CRYBG1: variants seen among roughly 807,000 people sequenced by gnomAD.
CRYBG1 encodes crystallin beta-gamma domain containing 1.
In CRYBG1, 139 loss-of-function variants were observed where a neutral mutation model predicts 189.2. That is an observed-to-expected ratio of 0.73 (90% confidence interval 0.64 to 0.85). The LOEUF (loss-of-function observed/expected upper bound fraction) is 0.85, where lower values mean the gene tolerates loss of function less well. CRYBG1 is among the 40% of genes least tolerant of loss of function. The probability of loss-of-function intolerance (pLI) is 0.00; values close to 1 mark genes in which losing one functional copy is unlikely to be tolerated. For missense variants in CRYBG1, 2,611 were observed against 2,675.8 expected, an observed-to-expected ratio of 0.98 and a Z score of 0.53; for synonymous variants, 1,023 against 1,017.1, an observed-to-expected ratio of 1.01 and a Z score of -0.11.
rs1464897224 is a variant in CRYBG1, at chr6:106,512,063, G to T, written c.946G>T (p.Ala316Ser). ...AGGACTAGGCGAGGCCCCTAACGGA[G>T]CCCCCAGTGTGTGTGCCGAAGAAGG... is the stretch of plus-strand genomic sequence containing the variant. The part of the protein sequence containing the change: ...AGGLGEAPNG[A>S]PSVCAEEGSL... Residue 316 changes from alanine (A) to serine (S), a missense_variant, in exon 3 of 22, where the codon GCC becomes TCC. Physicochemically the swap from Ala to Ser is moderately conservative, Grantham distance 99. Transcript: ENST00000633556. 10 of 1,533,718 alleles carry T rather than the reference G, an allele frequency of 6.5e-6. No individual in the cohort carries two copies. The highest frequency in any genetic ancestry group is 2.4e-5 in the South Asian group (2 of 83,868).
chr6:106,520,587 A>G lies in CRYBG1; in HGVS notation c.3379A>G (p.Lys1127Glu). 2 of 1,614,072 alleles carry G rather than the reference A, an allele frequency of 1.2e-6. No homozygotes were observed. The highest frequency in any genetic ancestry group is 2.2e-5 in the East Asian group (1 of 44,884). ...AGTTTGTATGCCCATGAAAAGAAAGAAGGCCAGGATGCCAAACTCTCCTGC... is the reference window on the plus strand; with the variant it reads ...AGTTTGTATGCCCATGAAAAGAAAGGAGGCCAGGATGCCAAACTCTCCTGC... ...SAVCMPMKRK[K>E]ARMPNSPAPH... The change falls in exon 4 of 22, where the codon AAG becomes GAG. Residue 1127 changes from lysine (K) to glutamate (E), a missense_variant. By Grantham distance (56) the Lys-to-Glu change is moderately conservative (BLOSUM62 1). Transcript: ENST00000633556.
rs368586759 is a variant in CRYBG1, at chr6:106,569,955, C to G, written c.*1389C>G. ...GGTCAAGTCTTGATTTGACCGGAGT[C>G]AAATCAATCTTCAAGCAATCTTGGA... On this transcript the variant is annotated 3_prime_UTR_variant, in exon 22 of 22. Coordinates refer to ENST00000633556, the MANE Select transcript of CRYBG1 (RefSeq NM_001371242.2). 6.6e-6 allele frequency: 1 copy of G among 152,190 alleles called. No individual in the cohort carries two copies. Among genetic ancestry groups the G allele is most frequent in the South Asian group, 2.1e-4 (1 of 4,830 alleles). 9.4% of individuals were successfully genotyped at this position (152,190 alleles called of 1,614,324 possible). A position where few individuals can be genotyped will look rare whatever the true frequency, so the allele number is the denominator to read the frequency against.
rs1562098837 is a variant in CRYBG1 at position 106,517,293 on chromosome 6, C to T, written c.1923-1838C>T. On this transcript the variant is annotated intron_variant, in intron 3 of 21. Transcript: ENST00000633556. ...CCCAAAGTACTGGAATATATATATA[C>T]ATATATATATACACACACACACACA... Among the ~76,000 whole-genome samples the T allele has an allele frequency of 2.1e-5, 3 of 139,820 alleles. No homozygotes were observed. In the South Asian group the frequency reaches 6.5e-4, roughly 30 times the overall value. The allele number at this position is 139,820 out of a possible 152,430, so 91.7% of individuals were successfully genotyped here.
In CRYBG1 at chr6:106,531,802, G is replaced by A. The variant is rs569962355; in HGVS notation, c.4718+1487G>A. Reference sequence around the variant, plus strand: ...AACATTACCAGCACCCCAGAAGCCCGATGGTATTCTTTCCCTATGGCAGCC... The same window carrying A: ...AACATTACCAGCACCCCAGAAGCCCAATGGTATTCTTTCCCTATGGCAGCC... On this transcript the variant is annotated intron_variant, in intron 8 of 21. Coordinates refer to ENST00000633556, the MANE Select transcript of CRYBG1 (RefSeq NM_001371242.2). 1.8e-4 allele frequency among the ~76,000 whole-genome samples: 27 copies of A among 152,238 alleles called. 1 individual carries two copies. In the South Asian group the frequency reaches 4.8e-3, roughly 27 times the overall value.
intron 2 of CRYBG1, among the ~76,000 whole-genome samples, chr6:106,465,918 T>C (rs1382548681): frequency 1.3e-5 from 2 of 152,238 alleles, no homozygotes; most frequent in Non-Finnish European, 2.9e-5. Context: ...TCAAATTTAA[T>C]GAATTGTTTT....
chr6:106,468,220 C>T (rs972010466), intron 2 of CRYBG1, among the ~76,000 whole-genome samples: 9 of 151,976 alleles, frequency 5.9e-5, no homozygotes, highest in African/African-American at 1.7e-4. Flanking sequence ...TTTCGGGAGT[C>T]GAGGAAGATA....
intron 2 of CRYBG1, among the ~76,000 whole-genome samples, chr6:106,497,834 T>C (rs902727920): frequency 3.3e-5 from 5 of 152,232 alleles, no homozygotes; most frequent in Non-Finnish European, 7.3e-5. Flanking sequence ...CTCATGCCTG[T>C]AATCCCAGCA....
chr6:106,431,575 C>T (rs952853557), intron 1 of CRYBG1, among the ~76,000 whole-genome samples: 1 of 152,066 alleles, frequency 6.6e-6, no homozygotes, highest in African/African-American at 2.4e-5. Context: ...AACAAATACA[C>T]CAATCTGAAA....
At chr6:106,527,226 G>A in intron 6 of CRYBG1, 79 bp from the exon 7 acceptor site, 16 of 1,206,904 alleles carry the variant, frequency 1.3e-5, no homozygotes, top group Non-Finnish European at 1.8e-5. Flanking sequence ...ATATAAAATG[G>A]CAATTAGCCA....
intron 1 of CRYBG1, among the ~76,000 whole-genome samples, chr6:106,385,743 A>T (rs9386535): frequency 6.6e-6 from 1 of 152,122 alleles, no homozygotes; most frequent in Non-Finnish European, 1.5e-5. Context: ...TCATCAGTTC[A>T]TCTAGTTATG....
intron 1 of CRYBG1, among the ~76,000 whole-genome samples, chr6:106,369,695 GA>G (rs1281094176): frequency 1.3e-5 from 2 of 152,184 alleles, no homozygotes; most frequent in Admixed American, 6.5e-5. Context: ...CCATGTCTGT[GA>G]AAACATTGTT....
chr6:106,399,423 T>C (rs1312435308), intron 1 of CRYBG1, among the ~76,000 whole-genome samples: 1 of 152,194 alleles, frequency 6.6e-6, no homozygotes, highest in Non-Finnish European at 1.5e-5. Flanking sequence ...CCTTGTTATA[T>C]CCCAATCATT....
intron 4 of CRYBG1, among the ~76,000 whole-genome samples, chr6:106,524,279 T>G (rs1773682583): frequency 6.6e-6 from 1 of 152,102 alleles, no homozygotes; most frequent in Non-Finnish European, 1.5e-5. Context: ...AAAGCGGGAT[T>G]AGGCCGGGCA....
rs776538109 is a variant in CRYBG1, at chr6:106,563,915, T to C, written c.6290T>C (p.Leu2097Ser). 10 of 1,610,798 alleles carry C rather than the reference T, an allele frequency of 6.2e-6. No individual in the cohort carries two copies. The highest frequency in any genetic ancestry group is 4.5e-5 in the East Asian group (2 of 44,784). The change falls in exon 21 of 22, where the codon TTA (leucine) becomes TCA (serine). Residue 2097 changes from leucine to serine, a missense_variant. This residue lies in a region of CRYBG1 where 1,622 missense variants were observed against 1,735.0 expected (regional missense o/e 0.93). Coordinates refer to ENST00000633556, the MANE Select transcript of CRYBG1 (RefSeq NM_001371242.2). The part of the protein sequence containing the change: ...IYSKLKPNLV[L>S]DIKGGTQYDQ... Reference sequence around the variant, plus strand: ...AGCAAGTTGAAGCCAAATTTAGTTTTAGACATTAAAGGTAAGGGTCACTTC... The same window carrying C: ...AGCAAGTTGAAGCCAAATTTAGTTTCAGACATTAAAGGTAAGGGTCACTTC...
At chr6:106,429,264 G>A (rs1017256542) in intron 1 of CRYBG1, among the ~76,000 whole-genome samples, 7 of 152,160 alleles carry the variant, frequency 4.6e-5, no homozygotes, top group African/African-American at 1.7e-4. Flanking sequence ...AGTTGATCTG[G>A]ATAAATCATT....
intron 1 of CRYBG1, among the ~76,000 whole-genome samples, chr6:106,430,548 T>A (rs932698820): frequency 6.6e-6 from 1 of 152,188 alleles, no homozygotes; most frequent in African/African-American, 2.4e-5. Flanking sequence ...ATTCCATGCA[T>A]CTGGGACTTT....
intron 2 of CRYBG1, among the ~76,000 whole-genome samples, chr6:106,466,808 T>C (rs1386777879): frequency 6.6e-6 from 1 of 152,200 alleles, no homozygotes; most frequent in Non-Finnish European, 1.5e-5. Flanking sequence ...AAGTAGAATT[T>C]TTTTAGGAAT....
chr6:106,381,434 A>G (rs1180612763), intron 1 of CRYBG1, among the ~76,000 whole-genome samples: 1 of 152,086 alleles, frequency 6.6e-6, no homozygotes, highest in Non-Finnish European at 1.5e-5. Flanking sequence ...TCTAAGTGCT[A>G]AAAACCATAT....
chr6:106,452,668 A>G (rs1045496576), intron 2 of CRYBG1, among the ~76,000 whole-genome samples: 1 of 152,154 alleles, frequency 6.6e-6, no homozygotes, highest in African/African-American at 2.4e-5. Context: ...ATCAATAGTT[A>G]CTTCTTAATA....
Sources: gnomAD v4.1 joint callset for allele counts (sites outside exome capture counted in the v4.1 genomes callset) on GRCh38, gnomAD v4.1.1 for gene constraint, gnomAD v4.1.1 regional missense constraint, MANE v1.5 for transcripts, NCBI Gene and HGNC (gene_info 2026-07-23, HGNC 2026-07-21) for gene names.